Variants in TNFSF4 observed in about 807,000 individuals in gnomAD.
TNFSF4 encodes TNF superfamily member 4, also known as tumor necrosis factor ligand superfamily member 4.
In TNFSF4, 4 loss-of-function variants were observed where a neutral mutation model predicts 7.3. The ratio of observed to expected loss-of-function variants is 0.55; its 90% CI spans 0.27 to 1.25. The LOEUF (loss-of-function observed/expected upper bound fraction) is 1.25, where lower values mean the gene tolerates loss of function less well. Among genes scored for constraint, TNFSF4 ranks in the 50% most tolerant of loss-of-function variants. TNFSF4 has a pLI of 0.12. For missense variants in TNFSF4, 181 were observed against 208.8 expected, an observed-to-expected ratio of 0.87 and a Z score of 0.82; for synonymous variants, 76 against 83.7, an observed-to-expected ratio of 0.91 and a Z score of 0.50.
chr1:173,360,620 C>CAGACTT, the TNFSF4 span, among the ~76,000 whole-genome samples: 1 of 152,136 alleles, frequency 6.6e-6, no homozygotes, highest in Non-Finnish European at 1.5e-5. Flanking sequence ...CTGGAGATAG[C>CAGACTT]AGACTTAGCT....
At chr1:173,206,839 GCTGAAAAGAAGGAAGGAAAGGAGAGA>G (rs1411780104) in intron 1 of TNFSF4, among the ~76,000 whole-genome samples, 159 bp downstream of exon 1, 1 of 152,118 alleles carries the variant, frequency 6.6e-6, no homozygotes, top group Non-Finnish European at 1.5e-5. Context: ...CACTGCCACT[GCTGAAAAGAAGGAAGGAAAGGAGAGA>G]CAGAAGGGCG....
chr1:173,273,736 T>C, the TNFSF4 span, among the ~76,000 whole-genome samples: 1 of 152,126 alleles, frequency 6.6e-6, no homozygotes, highest in East Asian at 1.9e-4. Context: ...TAGACTTTCA[T>C]CTGTAATATA....
the TNFSF4 span, among the ~76,000 whole-genome samples, chr1:173,235,543 A>C: frequency 1.3e-5 from 2 of 152,148 alleles, no homozygotes; most frequent in Non-Finnish European, 1.5e-5. Flanking sequence ...TTGACACATG[A>C]GTTGTAATGC....
chr1:173,369,123 G>A, the TNFSF4 span, among the ~76,000 whole-genome samples: 5 of 152,080 alleles, frequency 3.3e-5, no homozygotes, highest in African/African-American at 1.2e-4. Context: ...TCCAAAATTG[G>A]GGGGGATATC....
chr1:173,398,348 G>A, the TNFSF4 span, among the ~76,000 whole-genome samples: 2 of 150,904 alleles, frequency 1.3e-5, no homozygotes, highest in Non-Finnish European at 3.0e-5. Flanking sequence ...TTGTGTGTCA[G>A]AGGATGGAAA....
the TNFSF4 span, among the ~76,000 whole-genome samples, chr1:173,377,618 C>A: frequency 3.3e-4 from 50 of 152,306 alleles, no homozygotes; most frequent in Admixed American, 7.2e-4. Context: ...AGTCCCACTT[C>A]TAAAAACCAC....
chr1:173,174,081 C>G, the TNFSF4 span, among the ~76,000 whole-genome samples: 2 of 152,180 alleles, frequency 1.3e-5, no homozygotes, highest in Non-Finnish European at 2.9e-5. Flanking sequence ...CTGCCAGATA[C>G]TCTAAATCAC....
At chr1:173,310,729 C>T in the TNFSF4 span, among the ~76,000 whole-genome samples, 1 of 151,096 alleles carries the variant, frequency 6.6e-6, no homozygotes, top group Non-Finnish European at 1.5e-5. Flanking sequence ...TGTTAAAAAC[C>T]TCCAGTGAAG....
the TNFSF4 span, among the ~76,000 whole-genome samples, chr1:173,261,618 T>A: frequency 6.6e-6 from 1 of 151,916 alleles, no homozygotes; most frequent in East Asian, 1.9e-4. Context: ...AAGAATCATA[T>A]AGACATAATA....
chr1:173,374,990 A>G, the TNFSF4 span, among the ~76,000 whole-genome samples: 1 of 152,124 alleles, frequency 6.6e-6, no homozygotes. Context: ...TGCAATCCCA[A>G]ATAGACTCTT....
At chr1:173,239,651 G>C in the TNFSF4 span, among the ~76,000 whole-genome samples, 1 of 152,108 alleles carries the variant, frequency 6.6e-6, no homozygotes, top group East Asian at 1.9e-4. Context: ...CTCTTGTCTT[G>C]CACTCCAAGT....
At chr1:173,275,306 A>G in the TNFSF4 span, among the ~76,000 whole-genome samples, 1 of 152,108 alleles carries the variant, frequency 6.6e-6, no homozygotes, top group Admixed American at 6.6e-5. Flanking sequence ...GGCTGCAAGC[A>G]AACCTGCCCA....
At chr1:173,382,892 ACACACACACACACACAC>A in the TNFSF4 span, among the ~76,000 whole-genome samples, 1 of 151,676 alleles carries the variant, frequency 6.6e-6, no homozygotes, top group Non-Finnish European at 1.5e-5. Context: ...ACACACACAC[ACACACACACACACACAC>A]AAAGGTGCGT....
At chr1:173,287,166 C>CAA in the TNFSF4 span, among the ~76,000 whole-genome samples, 1 of 150,142 alleles carries the variant, frequency 6.7e-6, no homozygotes, top group African/African-American at 2.4e-5. Flanking sequence ...GATGTCTCCA[C>CAA]AAAAAAAAAG....
At chr1:173,232,264 CTGAT>C in the TNFSF4 span, among the ~76,000 whole-genome samples, 3 of 152,088 alleles carry the variant, frequency 2.0e-5, no homozygotes, top group African/African-American at 7.2e-5. Context: ...ATTTGGCTCT[CTGAT>C]TGTCTGTTAT....
At chr1:173,405,024 C>G in the TNFSF4 span, among the ~76,000 whole-genome samples, 1 of 152,178 alleles carries the variant, frequency 6.6e-6, no homozygotes, top group Admixed American at 6.5e-5. Context: ...TCACATTTAT[C>G]ACATTCTAAC....
At chr1:173,176,108 C>T in the TNFSF4 span, among the ~76,000 whole-genome samples, 3 of 152,124 alleles carry the variant, frequency 2.0e-5, no homozygotes, top group African/African-American at 7.2e-5. Flanking sequence ...AAGTTGTGGA[C>T]AGGTAATTAG....
chr1:173,258,124 T>C, the TNFSF4 span, among the ~76,000 whole-genome samples: 2 of 152,120 alleles, frequency 1.3e-5, no homozygotes, highest in Non-Finnish European at 2.9e-5. Context: ...AAATTCCATT[T>C]GGCTTCCAGC....
the TNFSF4 span, among the ~76,000 whole-genome samples, chr1:173,233,952 C>A: frequency 3.3e-5 from 5 of 152,088 alleles, no homozygotes; most frequent in African/African-American, 9.7e-5. Flanking sequence ...CAAATGGGAT[C>A]TAATTAAACT....
Sources: allele counts gnomAD v4.1 joint callset (sites outside exome capture counted in the v4.1 genomes callset), GRCh38; gene constraint gnomAD v4.1.1; transcripts MANE v1.5; gene names NCBI Gene and HGNC (gene_info 2026-07-23, HGNC 2026-07-21).